The following HBS1L variants were observed in gnomAD, a reference collection of about 807,000 sequenced individuals.
HBS1L encodes the protein HBS1 like translational GTPase.
A neutral mutation model predicts 88.9 loss-of-function variants in HBS1L; 55 were observed. The observed-to-expected ratio is 0.62, with a 90% confidence interval of 0.50 to 0.77. The LOEUF (loss-of-function observed/expected upper bound fraction) is 0.77. Ranked by LOEUF, HBS1L falls within the 30% of genes least tolerant of loss-of-function variation. HBS1L has a pLI of 0.00. For missense variants in HBS1L, 741 were observed against 829.3 expected, an observed-to-expected ratio of 0.89 and a Z score of 1.31; for synonymous variants, 267 against 288.5, an observed-to-expected ratio of 0.93 and a Z score of 0.76.
rs201659959 is a variant in HBS1L at position 135,017,976 on chromosome 6, AAAAC to A, written c.431-15138_431-15135del. Among the ~76,000 whole-genome samples the A allele has an allele frequency of 3.8e-3, 470 of 124,992 alleles. 1 individual carries two copies. The highest frequency in any genetic ancestry group is 0.016 in the Middle Eastern group (4 of 256). The allele number at this position is 124,992 out of a possible 152,430, so 82.0% of individuals were successfully genotyped here. ...TGAAAACAACATTCAAGCTTATTTAAAAACAAACAAACAAACAAAAAAAAAAAAC... is the reference window on the plus strand; with the variant it reads ...TGAAAACAACATTCAAGCTTATTTAAAAACAAACAAACAAAAAAAAAAAAC... On this transcript the variant is annotated intron_variant, in intron 4 of 17. Coordinates refer to ENST00000367837, the MANE Select transcript of HBS1L (RefSeq NM_006620.4).
intron 4 of HBS1L, chr6:135,037,213 A>T (rs774403039): frequency 4.5e-6 from 7 of 1,551,858 alleles, no homozygotes; most frequent in South Asian, 2.4e-5. Context: ...TAATTGTGAC[A>T]GGGGAAAGGA....
chr6:135,014,216 T>A (rs1775852587), intron 4 of HBS1L, among the ~76,000 whole-genome samples: 1 of 152,176 alleles, frequency 6.6e-6, no homozygotes, highest in African/African-American at 2.4e-5. Flanking sequence ...CTGGTCAGAA[T>A]CTTATTTCTC....
chr6:135,050,088 T>C (rs569190997), intron 2 of HBS1L, among the ~76,000 whole-genome samples: 3 of 152,232 alleles, frequency 2.0e-5, no homozygotes, highest in Non-Finnish European at 2.9e-5. Flanking sequence ...TGTGGAATTA[T>C]ACAGAAATAT....
chr6:135,035,670 G>A (rs1172690528), intron 4 of HBS1L, among the ~76,000 whole-genome samples: 2 of 147,878 alleles, frequency 1.4e-5, no homozygotes, highest in African/African-American at 5.0e-5. Context: ...AGAATGGCGT[G>A]AACCTGGGAG....
chr6:134,986,299 T>C lies in HBS1L; in HGVS notation c.1306-116A>G, dbSNP rs114525699. 2.2e-3 allele frequency: 1,432 copies of C among 643,678 alleles called. 17 individuals are homozygous for C. The African/African-American group carries it at 0.024, about 11-fold the overall frequency. The allele number at this position is 643,678 out of a possible 1,614,324, so 39.9% of individuals were successfully genotyped here. A position where few individuals can be genotyped will look rare whatever the true frequency, so the allele number is the denominator to read the frequency against. ...AAGCAACAATGTACTTTTTAAAACA[T>C]AATAGAAATCACAGAACTACAGCCC... is the stretch of plus-strand genomic sequence containing the variant. On this transcript the variant is annotated intron_variant, in intron 10 of 17. Coordinates refer to ENST00000367837, the MANE Select transcript of HBS1L (RefSeq NM_006620.4).
chr6:134,983,433 G>C (rs975472227), intron 12 of HBS1L: 3 of 151,882 alleles, frequency 2.0e-5, no homozygotes, highest in African/African-American at 7.3e-5. Flanking sequence ...AACAAGTTTG[G>C]AGTGGTAAGG....
At chr6:135,036,896 T>C in intron 4 of HBS1L, 1 of 1,551,656 alleles carries the variant, frequency 6.4e-7, no homozygotes, top group Non-Finnish European at 8.7e-7. Context: ...AGCTTTGAAC[T>C]TAGAACTTTA....
chr6:135,025,930 G>A (rs774195344), intron 4 of HBS1L, among the ~76,000 whole-genome samples: 6 of 152,180 alleles, frequency 3.9e-5, no homozygotes, highest in East Asian at 1.9e-4. Flanking sequence ...AACAGAGGGA[G>A]AGTGGGAAAC....
intron 10 of HBS1L, 79 bp from the exon 11 acceptor site, chr6:134,986,262 C>A (rs1774976659): frequency 2.7e-6 from 2 of 742,444 alleles, no homozygotes; most frequent in Non-Finnish European, 4.6e-6. Flanking sequence ...CATAACTGCA[C>A]CAAGTTTGCA....
chr6:134,985,264 T>G (rs781337113), intron 12 of HBS1L, 77 bp downstream of exon 12: 12 of 849,514 alleles, frequency 1.4e-5, no homozygotes, highest in Non-Finnish European at 2.2e-5. Context: ...CTGTCATAAC[T>G]TAGTCCAGGA....
intron 16 of HBS1L, among the ~76,000 whole-genome samples, chr6:134,968,437 C>T (rs578200463): frequency 4.9e-4 from 74 of 151,916 alleles, no homozygotes; most frequent in Non-Finnish European, 2.8e-4. Context: ...TTAGTAGAGA[C>T]GGGGTTTCGC....
rs1356223586 is a variant in HBS1L, at chr6:134,998,528, TG to T, written c.540-873del. ...AATTAGGACAAAGAGCAGGTTAAAT[TG>T]GAAGTTATTAAGAATGAAACCAATT... On this transcript the variant is annotated intron_variant, in intron 5 of 17. Coordinates refer to ENST00000367837, the MANE Select transcript of HBS1L (RefSeq NM_006620.4). Among the ~76,000 whole-genome samples, 14 of 152,324 alleles carry T rather than the reference TG, an allele frequency of 9.2e-5. No homozygotes were observed. The South Asian group carries it at 2.5e-3, about 27-fold the overall frequency.
At chr6:135,036,967 T>C (rs1776573140) in intron 4 of HBS1L, 1 of 1,551,402 alleles carries the variant, frequency 6.4e-7, no homozygotes, top group Admixed American at 2.0e-5. Context: ...ATCTGGGTTT[T>C]TTATAAGGAC....
intron 2 of HBS1L, among the ~76,000 whole-genome samples, chr6:135,043,639 G>T (rs532644923): frequency 1.3e-5 from 2 of 152,264 alleles, no homozygotes; most frequent in East Asian, 3.9e-4. Flanking sequence ...AGTAATACCA[G>T]ACAACAAGCA....
intron 15 of HBS1L, among the ~76,000 whole-genome samples, chr6:134,974,128 C>T (rs1002253099): frequency 6.6e-6 from 1 of 151,962 alleles, no homozygotes; most frequent in African/African-American, 2.4e-5. Context: ...CTATAAACAC[C>T]TCCGTGCACA....
chr6:134,993,864 A>G lies in HBS1L; in HGVS notation c.977T>C (p.Met326Thr). The G allele has an allele frequency of 6.4e-7, 1 of 1,570,308 alleles. No individual in the cohort carries two copies. The highest frequency in any genetic ancestry group is 8.7e-7 in the Non-Finnish European group (1 of 1,142,988). ...TTCAAACTTTGTCATACCAACATCC[A>G]TGGTTACTCCCCTTAAACAAAACAT... Reference protein sequence around the residue: ...TGEERERGVTMDVGMTKFETT... With the variant: ...TGEERERGVTTDVGMTKFETT... Residue 326 changes from methionine to threonine, a missense_variant, in exon 8 of 18, where the codon ATG becomes ACG. Met to Thr is a moderately conservative substitution (Grantham distance 81, BLOSUM62 -1). This residue lies in a region of HBS1L where 556 missense variants were observed against 598.4 expected (regional missense o/e 0.93). Coordinates refer to ENST00000367837, the MANE Select transcript of HBS1L (RefSeq NM_006620.4).
chr6:135,053,076 T>A (rs375890104), intron 1 of HBS1L, among the ~76,000 whole-genome samples: 9 of 152,332 alleles, frequency 5.9e-5, no homozygotes, highest in Admixed American at 3.3e-4. Flanking sequence ...TTGGTTATGA[T>A]GTCACCAATT....
At chr6:134,982,644 G>A (rs2114775444) in intron 12 of HBS1L, 82 bp from the exon 13 acceptor site, 12 of 667,240 alleles carry the variant, frequency 1.8e-5, no homozygotes, top group South Asian at 2.4e-5. Flanking sequence ...TAGTTCTCAA[G>A]TAGTCATATA....
At chr6:135,051,180 G>A (rs761940194) in intron 1 of HBS1L, among the ~76,000 whole-genome samples, 84 of 151,630 alleles carry the variant, frequency 5.5e-4, no homozygotes, top group Non-Finnish European at 3.5e-4. Context: ...AGCCAAGACC[G>A]CGCCACTGCA....
Sources: gnomAD v4.1 joint callset for allele counts (sites outside exome capture counted in the v4.1 genomes callset) on GRCh38, gnomAD v4.1.1 for gene constraint, gnomAD v4.1.1 regional missense constraint, MANE v1.5 for transcripts, NCBI Gene and HGNC (gene_info 2026-07-23, HGNC 2026-07-21) for gene names.